SGCD: variants seen among roughly 807,000 people sequenced by gnomAD.
SGCD encodes the protein sarcoglycan delta, also known as delta-sarcoglycan.
In SGCD, 18 loss-of-function variants were observed where a neutral mutation model predicts 36.6. The ratio of observed to expected loss-of-function variants is 0.49; its 90% CI spans 0.34 to 0.73. SGCD has a LOEUF of 0.73. SGCD is among the 30% of genes least tolerant of loss of function. The pLI is 0.01. For synonymous variants in SGCD, 133 were observed against 130.6 expected, an observed-to-expected ratio of 1.02 and a Z score of -0.12; for missense variants, 387 against 346.7, an observed-to-expected ratio of 1.12 and a Z score of -0.92.
the SGCD span, among the ~76,000 whole-genome samples, chr5:155,841,034 A>ACGTGGGCG: frequency 7.5e-6 from 1 of 133,578 alleles, no homozygotes; most frequent in East Asian, 2.3e-4. Flanking sequence ...AAAAAAAAAG[A>ACGTGGGCG]CTGGGGCACT....
chr5:156,378,434 A>C (rs1770792929), intron 3 of SGCD, among the ~76,000 whole-genome samples: 1 of 152,166 alleles, frequency 6.6e-6, no homozygotes, highest in East Asian at 1.9e-4. Context: ...AGCAGTGTGA[A>C]TGTTCTTAAT....
chr5:156,239,034 C>T (rs1765235071), intron 3 of SGCD, among the ~76,000 whole-genome samples: 1 of 151,842 alleles, frequency 6.6e-6, no homozygotes, highest in Non-Finnish European at 1.5e-5. Flanking sequence ...TCTTTGGGGG[C>T]CTCATTCATT....
chr5:156,138,666 T>A (rs1295355481), intron 3 of SGCD, among the ~76,000 whole-genome samples: 1 of 152,254 alleles, frequency 6.6e-6, no homozygotes, highest in East Asian at 1.9e-4. Context: ...TTTGTGAGCA[T>A]GTCTTTGTGT....
chr5:156,125,026 A>T (rs143695604), intron 3 of SGCD, among the ~76,000 whole-genome samples: 83 of 152,278 alleles, frequency 5.5e-4, no homozygotes, highest in African/African-American at 2.0e-3. Context: ...CACTGTAGAG[A>T]GTAGTAGGAT....
intron 7 of SGCD, among the ~76,000 whole-genome samples, chr5:156,753,931 A>G (rs1757246168): frequency 6.6e-6 from 1 of 152,244 alleles, no homozygotes; most frequent in Non-Finnish European, 1.5e-5. Context: ...TAGCGTGTGA[A>G]CAACTTCTGT....
chr5:156,605,406 T>C (rs1761393629), intron 6 of SGCD, among the ~76,000 whole-genome samples: 2 of 152,184 alleles, frequency 1.3e-5, no homozygotes, highest in African/African-American at 4.8e-5. Context: ...CTGCATAGTA[T>C]TCTATGGTAT....
the SGCD span, among the ~76,000 whole-genome samples, chr5:155,820,197 T>C: frequency 2.0e-5 from 3 of 152,334 alleles, no homozygotes; most frequent in African/African-American, 4.8e-5. Flanking sequence ...CATCAAAGTC[T>C]TAGTATTTTT....
intron 1 of SGCD, among the ~76,000 whole-genome samples, chr5:156,085,221 C>T (rs372403830): frequency 6.6e-6 from 1 of 151,990 alleles, no homozygotes; most frequent in African/African-American, 2.4e-5. Context: ...CAGGGTAATA[C>T]TGGACTGATG....
intron 1 of SGCD, among the ~76,000 whole-genome samples, chr5:155,874,455 C>T (rs930986691): frequency 2.5e-4 from 38 of 151,860 alleles, no homozygotes; most frequent in Non-Finnish European, 1.0e-4. Flanking sequence ...CTAAAAGCCT[C>T]GGTTAAAAAA....
chr5:155,880,157 C>T (rs1755852285), intron 1 of SGCD, among the ~76,000 whole-genome samples: 1 of 151,948 alleles, frequency 6.6e-6, no homozygotes, highest in South Asian at 2.1e-4. Context: ...TGGGGCAAAT[C>T]CCCTCCTGAT....
chr5:156,287,266 A>G (rs1766632036), intron 3 of SGCD, among the ~76,000 whole-genome samples: 1 of 152,188 alleles, frequency 6.6e-6, no homozygotes. Context: ...ATTCTTATTC[A>G]GCAGATCTGG....
rs1186288919 is a variant in SGCD, at chr5:156,606,593, G to C, written c.502+11542G>C. On this transcript the variant is annotated intron_variant, in intron 6 of 8. Transcript: ENST00000337851. ...TTCCAATTCTGTGAAGAAAGTCATTGGTAGCATGATGGGAATGGCACTGAA... is the reference window on the plus strand; with the variant it reads ...TTCCAATTCTGTGAAGAAAGTCATTCGTAGCATGATGGGAATGGCACTGAA... 2.6e-5 allele frequency among the ~76,000 whole-genome samples: 4 copies of C among 152,258 alleles called. No homozygotes were observed. The East Asian group carries it at 7.7e-4, about 29-fold the overall frequency.
chr5:156,530,568 C>CTTTTT (rs902932270), intron 4 of SGCD, among the ~76,000 whole-genome samples: 2 of 146,112 alleles, frequency 1.4e-5, no homozygotes, highest in African/African-American at 2.5e-5. Flanking sequence ...TTTTCTTTTC[C>CTTTTT]TTTTTTTTTT....
At chr5:156,587,341 T>C (rs778373612) in intron 4 of SGCD, among the ~76,000 whole-genome samples, 3 of 152,192 alleles carry the variant, frequency 2.0e-5, no homozygotes, top group Non-Finnish European at 2.9e-5. Flanking sequence ...CCAGATCAGA[T>C]TGTTAGCTCT....
At chr5:156,016,066 A>G (rs990754753) in intron 1 of SGCD, among the ~76,000 whole-genome samples, 3 of 152,100 alleles carry the variant, frequency 2.0e-5, no homozygotes, top group African/African-American at 7.2e-5. Flanking sequence ...TCACAATTTC[A>G]ATCTCCCTTC....
At chr5:155,999,876 G>T (rs1029644732) in intron 1 of SGCD, among the ~76,000 whole-genome samples, 5 of 152,168 alleles carry the variant, frequency 3.3e-5, no homozygotes, top group Admixed American at 2.6e-4. Context: ...CTTAACTTTT[G>T]TGGTGCTTGA....
At chr5:156,479,348 G>A (rs143793000) in intron 3 of SGCD, among the ~76,000 whole-genome samples, 3,466 of 152,026 alleles carry the variant, frequency 0.023, 109 homozygotes, top group African/African-American at 0.072. Context: ...CAGCCGCCTC[G>A]GCCTCCCAAA....
Position 156,579,291 on chromosome 5 carries a change from T to A in SGCD, c.295-9940T>A, listed in dbSNP as rs570131666. Among the ~76,000 whole-genome samples the A allele has an allele frequency of 5.9e-5, 9 of 152,322 alleles. No individual in the cohort carries two copies. The South Asian group carries it at 1.9e-3, about 32-fold the overall frequency. On this transcript the variant is annotated intron_variant, in intron 4 of 8. Coordinates refer to ENST00000337851, the MANE Select transcript of SGCD (RefSeq NM_000337.6). ...GATCTGAGAGATAGTTTGTTGTGAT[T>A]TCTGCTCTTTTACATTTGCTGAGGA...
In SGCD at chr5:155,891,558, C is replaced by CTT. The variant is rs372399423; in HGVS notation, c.-282+21152_-282+21153dup. Among the ~76,000 whole-genome samples, 57 of 60,770 alleles carry CTT rather than the reference C, an allele frequency of 9.4e-4. 2 individuals are homozygous for CTT. The highest frequency in any genetic ancestry group is 1.9e-3 in the African/African-American group (28 of 14,596). The allele number at this position is 60,770 out of a possible 152,430, so 39.9% of individuals were successfully genotyped here. The stretch of plus-strand genomic sequence containing the variant: ...CAAATTCCAGAGAAAAATAAATACT[C>CTT]TTTTTTTTTTTTTTTTTTTGGTGAC... On this transcript the variant is annotated intron_variant, in intron 1 of 9. Coordinates refer to the SGCD transcript ENST00000517913.
Sources: gnomAD v4.1 joint callset for allele counts (sites outside exome capture counted in the v4.1 genomes callset) on GRCh38, gnomAD v4.1.1 for gene constraint, MANE v1.5 for transcripts, NCBI Gene and HGNC (gene_info 2026-07-23, HGNC 2026-07-21) for gene names.